The following CTNNA3 variants were observed in gnomAD, a reference collection of about 807,000 sequenced individuals.
CTNNA3 encodes catenin alpha-3.
Under a neutral mutation model 95.7 loss-of-function variants are expected in CTNNA3, and 76 were observed. The observed-to-expected ratio is 0.79, with a 90% CI of 0.66 to 0.96. The LOEUF is 0.96. CTNNA3 is among the 40% of genes least tolerant of loss of function. The probability of loss-of-function intolerance (pLI) is 0.00; values close to 1 mark genes in which losing one functional copy is unlikely to be tolerated. For missense variants in CTNNA3, 1,191 were observed against 1,089.8 expected (o/e 1.09, Z -1.31); for synonymous variants, 431 against 374.4 (o/e 1.15, Z -1.74).
intron 6 of CTNNA3, among the ~76,000 whole-genome samples, chr10:67,188,663 A>G (rs954808268): frequency 6.6e-6 from 1 of 152,224 alleles, no homozygotes; most frequent in African/African-American, 2.4e-5. Flanking sequence ...AGGGAAATGA[A>G]ATCAGTATAT....
chr10:67,474,174 T>G (rs556016092), intron 5 of CTNNA3, among the ~76,000 whole-genome samples: 1 of 152,336 alleles, frequency 6.6e-6, no homozygotes, highest in South Asian at 2.1e-4. Flanking sequence ...TTCAGGTATA[T>G]GCAAATACTA....
Position 67,007,465 on chromosome 10 carries a change from A to G in CTNNA3, c.1047+172852T>C, listed in dbSNP as rs372955817. The stretch of plus-strand genomic sequence containing the variant: ...TATCATGATTTTTTTCATTTCTAAA[A>G]TAAGAGATAAAATATTTGACAAGCA... On this transcript the variant is annotated intron_variant, in intron 7 of 17. Coordinates refer to ENST00000433211, the MANE Select transcript of CTNNA3 (RefSeq NM_013266.4). Among the ~76,000 whole-genome samples the G allele has an allele frequency of 2.0e-5, 3 of 152,058 alleles. No homozygotes were observed. The South Asian group carries it at 6.2e-4, about 32-fold the overall frequency.
chr10:66,421,203 A>G (rs1035703688), intron 11 of CTNNA3, among the ~76,000 whole-genome samples: 3 of 151,878 alleles, frequency 2.0e-5, no homozygotes, highest in Non-Finnish European at 2.9e-5. Flanking sequence ...AACTAAAAAG[A>G]TTGATCTGAT....
chr10:67,155,997 T>C (rs1861295992), intron 7 of CTNNA3, among the ~76,000 whole-genome samples: 1 of 152,128 alleles, frequency 6.6e-6, no homozygotes, highest in Admixed American at 6.5e-5. Context: ...TCAGATTTTT[T>C]ATTTGTTCAT....
chr10:67,556,093 A>AAATCAAGT (rs1841237414), intron 3 of CTNNA3, among the ~76,000 whole-genome samples: 1 of 152,222 alleles, frequency 6.6e-6, no homozygotes, highest in Non-Finnish European at 1.5e-5. Flanking sequence ...CTTGCATCCC[A>AAATCAAGT]GGGATAAAGC....
chr10:66,065,529 T>C (rs2080296603), intron 15 of CTNNA3, among the ~76,000 whole-genome samples: 1 of 152,160 alleles, frequency 6.6e-6, no homozygotes. Flanking sequence ...CAACAACAAA[T>C]TGATTAAATC....
At chr10:66,466,210 T>C (rs1316837733) in intron 11 of CTNNA3, among the ~76,000 whole-genome samples, 3 of 151,902 alleles carry the variant, frequency 2.0e-5, no homozygotes, top group South Asian at 2.1e-4. Context: ...CCCTGGGTCT[T>C]AGGCTACCAG....
chr10:67,760,635 G>A (rs555986262), intron 1 of CTNNA3, among the ~76,000 whole-genome samples: 44 of 97,348 alleles, frequency 4.5e-4, no homozygotes, highest in East Asian at 3.0e-3. Context: ...GGAGGTGAGC[G>A]GGTGAGAGAG....
chr10:67,566,043 G>GTATATATATA lies in CTNNA3; in HGVS notation c.293-26384_293-26375dup, dbSNP rs772272609. ...CACACACACACACATATGTGTGTGT[G>GTATATATATA]TATATATATATATATATATATATAT... On this transcript the variant is annotated intron_variant, in intron 3 of 17. Coordinates refer to ENST00000433211, the MANE Select transcript of CTNNA3 (RefSeq NM_013266.4). 8.4e-3 allele frequency among the ~76,000 whole-genome samples: 227 copies of GTATATATATA among 26,900 alleles called. 36 individuals are homozygous for GTATATATATA. Among genetic ancestry groups the GTATATATATA allele is most frequent in the Admixed American group, 9.4e-3 (18 of 1,908 alleles). 17.6% of individuals were successfully genotyped at this position (26,900 alleles called of 152,430 possible).
chr10:66,556,643 G>A (rs116052412), intron 10 of CTNNA3, among the ~76,000 whole-genome samples: 120 of 152,110 alleles, frequency 7.9e-4, no homozygotes, highest in African/African-American at 2.8e-3. Flanking sequence ...AATACTGCAT[G>A]ATCCACTTAT....
intron 9 of CTNNA3, among the ~76,000 whole-genome samples, chr10:66,626,419 G>C (rs1387309792): frequency 6.6e-6 from 1 of 152,040 alleles, no homozygotes; most frequent in East Asian, 1.9e-4. Flanking sequence ...GCTCTCAATG[G>C]GGGAGAAAGG....
chr10:66,092,879 A>C (rs2081263912), intron 14 of CTNNA3, among the ~76,000 whole-genome samples: 1 of 151,982 alleles, frequency 6.6e-6, no homozygotes, highest in South Asian at 2.1e-4. Flanking sequence ...TGATAAGAAA[A>C]TTTTGACAAC....
At chr10:67,551,346 C>T (rs1369348611) in intron 3 of CTNNA3, among the ~76,000 whole-genome samples, 1 of 152,058 alleles carries the variant, frequency 6.6e-6, no homozygotes. Flanking sequence ...ACTGGGCAGT[C>T]GGAGAAGAGT....
chr10:67,570,556 T>C (rs1841944336), intron 3 of CTNNA3, among the ~76,000 whole-genome samples: 1 of 152,152 alleles, frequency 6.6e-6, no homozygotes, highest in Non-Finnish European at 1.5e-5. Context: ...CAGTGAGTAG[T>C]GACACATACT....
At chr10:66,006,756 A>C (rs528874065) in intron 15 of CTNNA3, among the ~76,000 whole-genome samples, 85 of 152,318 alleles carry the variant, frequency 5.6e-4, no homozygotes, top group African/African-American at 2.0e-3. Flanking sequence ...TTAGGAAAAT[A>C]ATATAATTTA....
At chr10:67,484,016 G>A (rs1220502697) in intron 5 of CTNNA3, among the ~76,000 whole-genome samples, 2 of 152,100 alleles carry the variant, frequency 1.3e-5, no homozygotes, top group Admixed American at 6.6e-5. Flanking sequence ...AATTTGAATA[G>A]GCAAAACAAT....
chr10:66,148,638 C>A (rs2084021410), intron 13 of CTNNA3, among the ~76,000 whole-genome samples: 2 of 152,014 alleles, frequency 1.3e-5, no homozygotes, highest in South Asian at 2.1e-4. Context: ...ATCTCTGAAG[C>A]AGGGAGAGAG....
intron 11 of CTNNA3, among the ~76,000 whole-genome samples, chr10:66,513,973 A>T (rs1231834479): frequency 6.8e-6 from 1 of 147,748 alleles, no homozygotes; most frequent in African/African-American, 2.5e-5. Flanking sequence ...TAGGCTGTGC[A>T]CCTGTGATGT....
At chr10:66,048,592 C>T (rs1227497780) in intron 15 of CTNNA3, among the ~76,000 whole-genome samples, 1 of 152,108 alleles carries the variant, frequency 6.6e-6, no homozygotes, top group Non-Finnish European at 1.5e-5. Flanking sequence ...AACCCCATCT[C>T]TACTAAAAAT....
Sources: gnomAD v4.1 joint callset for allele counts (sites outside exome capture counted in the v4.1 genomes callset) on GRCh38, gnomAD v4.1.1 for gene constraint, MANE v1.5 for transcripts, NCBI Gene and HGNC (gene_info 2026-07-23, HGNC 2026-07-21) for gene names.